CAST: variants seen among roughly 807,000 people sequenced by gnomAD.
CAST encodes calpastatin.
Under a neutral mutation model 119.6 loss-of-function variants are expected in CAST, and 76 were observed. The observed-to-expected ratio is 0.64, with a 90% CI of 0.53 to 0.77. The LOEUF is 0.77. Ranked by LOEUF, CAST falls within the 30% of genes least tolerant of loss-of-function variation. The pLI, the probability that CAST is intolerant of heterozygous loss-of-function variation, is 0.00. For missense variants in CAST, 953 were observed against 946.5 expected (o/e 1.01, Z -0.09); for synonymous variants, 319 against 331.6 (o/e 0.96, Z 0.41).
intron 1 of CAST, among the ~76,000 whole-genome samples, chr5:96,585,420 T>C (rs761374027): frequency 3.3e-5 from 5 of 152,176 alleles, no homozygotes; most frequent in Non-Finnish European, 7.4e-5. Flanking sequence ...GAATAATATC[T>C]AAACTTATTC....
chr5:96,037,083 A>G, the CAST span, among the ~76,000 whole-genome samples: 266 of 152,136 alleles, frequency 1.7e-3, 1 homozygote, highest in African/African-American at 6.1e-3. Context: ...TCTCTTCTGG[A>G]GCCATATTTT....
At chr5:96,423,388 A>T in the CAST span, 2 of 1,613,902 alleles carry the variant, frequency 1.2e-6, no homozygotes. Flanking sequence ...CTTTGCCCGT[A>T]ATGCCTTTTT....
chr5:96,289,262 A>G, the CAST span, among the ~76,000 whole-genome samples: 1 of 152,158 alleles, frequency 6.6e-6, no homozygotes. Flanking sequence ...AACAAAGAAG[A>G]TCACTTTCTG....
At chr5:96,065,351 G>T in the CAST span, among the ~76,000 whole-genome samples, 1 of 151,904 alleles carries the variant, frequency 6.6e-6, no homozygotes, top group Non-Finnish European at 1.5e-5. Context: ...GTACTCAAGA[G>T]AGCCTTTTGG....
the CAST span, among the ~76,000 whole-genome samples, chr5:96,020,287 C>T: frequency 6.6e-6 from 1 of 152,146 alleles, no homozygotes; most frequent in African/African-American, 2.4e-5. Context: ...TATAGTATGG[C>T]TCTGAGAGCA....
the CAST span, among the ~76,000 whole-genome samples, chr5:96,033,505 A>G: frequency 6.6e-6 from 1 of 152,142 alleles, no homozygotes; most frequent in Non-Finnish European, 1.5e-5. Context: ...ACACATATAC[A>G]GACAATGATT....
the CAST span, among the ~76,000 whole-genome samples, chr5:96,430,700 A>T: frequency 6.6e-6 from 1 of 152,232 alleles, no homozygotes; most frequent in Non-Finnish European, 1.5e-5. Flanking sequence ...AAGAATTATT[A>T]TTCTAATAAA....
At chr5:96,161,358 T>C in the CAST span, among the ~76,000 whole-genome samples, 2 of 152,188 alleles carry the variant, frequency 1.3e-5, no homozygotes, top group African/African-American at 4.8e-5. Flanking sequence ...AAGTTCTTTA[T>C]ATATTGTTCC....
chr5:96,517,979 A>G, the CAST span, among the ~76,000 whole-genome samples: 5 of 152,252 alleles, frequency 3.3e-5, no homozygotes, highest in Non-Finnish European at 7.3e-5. Flanking sequence ...TTCTACCAAC[A>G]AAGAAACTGA....
chr5:96,125,270 G>A, the CAST span, among the ~76,000 whole-genome samples: 1 of 152,146 alleles, frequency 6.6e-6, no homozygotes, highest in African/African-American at 2.4e-5. Context: ...AATTTAAAGA[G>A]TGACTGTTGG....
At chr5:96,386,497 T>C in the CAST span, among the ~76,000 whole-genome samples, 1 of 152,200 alleles carries the variant, frequency 6.6e-6, no homozygotes, top group Non-Finnish European at 1.5e-5. Context: ...TTTAACAGTA[T>C]TTTCATCTTC....
At chr5:96,481,129 A>G in the CAST span, among the ~76,000 whole-genome samples, 1 of 150,650 alleles carries the variant, frequency 6.6e-6, no homozygotes, top group Non-Finnish European at 1.5e-5. Context: ...TTTTTAAAGG[A>G]GCTCCTCATT....
At chr5:96,531,901 C>T (rs1745696225) in intron 1 of CAST, among the ~76,000 whole-genome samples, 1 of 152,032 alleles carries the variant, frequency 6.6e-6, no homozygotes, top group South Asian at 2.1e-4. Context: ...AAGGAAAATT[C>T]AATGGGAACT....
At chr5:96,409,744 A>G in the CAST span, among the ~76,000 whole-genome samples, 2 of 152,166 alleles carry the variant, frequency 1.3e-5, no homozygotes, top group East Asian at 1.9e-4. Context: ...ACCCTTTAAA[A>G]TGTGCCTGCC....
chr5:96,394,355 G>T, the CAST span, among the ~76,000 whole-genome samples: 4 of 152,318 alleles, frequency 2.6e-5, no homozygotes, highest in African/African-American at 9.6e-5. Context: ...GAAAAAGTGT[G>T]ATCTATCGCT....
the CAST span, among the ~76,000 whole-genome samples, chr5:96,026,371 C>T: frequency 1.6e-4 from 25 of 152,302 alleles, no homozygotes; most frequent in Admixed American, 1.2e-3. Context: ...CAGTACGATA[C>T]TTGGATCTGG....
the CAST span, among the ~76,000 whole-genome samples, chr5:96,514,010 T>C: frequency 1.3e-5 from 2 of 152,158 alleles, no homozygotes; most frequent in Non-Finnish European, 2.9e-5. Context: ...ACTTTTCTGT[T>C]GTATGTGTAG....
chr5:96,692,654 C>G (rs1003061129), intron 2 of CAST, among the ~76,000 whole-genome samples: 1 of 152,178 alleles, frequency 6.6e-6, no homozygotes, highest in African/African-American at 2.4e-5. Flanking sequence ...GGTTTCCACA[C>G]AGCAGTCAGG....
At chr5:95,981,647 G>A in the CAST span, among the ~76,000 whole-genome samples, 2 of 152,236 alleles carry the variant, frequency 1.3e-5, no homozygotes, top group South Asian at 2.1e-4. Context: ...AGGCCGAGGC[G>A]GGCGGATCAC....
Sources: gnomAD v4.1 joint callset for allele counts (sites outside exome capture counted in the v4.1 genomes callset) on GRCh38, gnomAD v4.1.1 for gene constraint, MANE v1.5 for transcripts, NCBI Gene and HGNC (gene_info 2026-07-23, HGNC 2026-07-21) for gene names.